CDK5RAP1: variants seen among roughly 807,000 people sequenced by gnomAD.
CDK5RAP1 encodes mitochondrial tRNA methylthiotransferase CDK5RAP1.
CDK5RAP1 carries 62 observed loss-of-function variants against 64.5 expected under a neutral mutation model. That is an observed-to-expected ratio of 0.96 (90% CI 0.78 to 1.19). The LOEUF (loss-of-function observed/expected upper bound fraction) is 1.19. CDK5RAP1 is among the 50% of genes most tolerant of loss of function. The pLI is 0.00. For missense variants in CDK5RAP1, 657 were observed against 735.0 expected (o/e 0.89, Z 1.23); for synonymous variants, 250 against 261.9 (o/e 0.95, Z 0.44).
chr20:33,373,084 G>C (rs1347539469), intron 9 of CDK5RAP1: 1 of 196,670 alleles, frequency 5.1e-6, no homozygotes, highest in Non-Finnish European at 1.0e-5. Flanking sequence ...GCTAGTGTGT[G>C]TGTGTGTCTG....
upstream of CDK5RAP1, chr20:33,401,548 G>A (rs1252943411): frequency 4.1e-6 from 4 of 985,338 alleles, no homozygotes; most frequent in Non-Finnish European, 3.6e-6. Context: ...CGCTACTTCA[G>A]GCCGGGTCAT....
intron 1 of CDK5RAP1, among the ~76,000 whole-genome samples, chr20:33,400,437 C>T (rs1989295859): frequency 6.6e-6 from 1 of 152,196 alleles, no homozygotes; most frequent in African/African-American, 2.4e-5. Context: ...TGCTGTGTGA[C>T]CTTTGGCAAG....
At chr20:33,377,255 T>C (rs1234744686) in intron 8 of CDK5RAP1, among the ~76,000 whole-genome samples, 12 of 152,356 alleles carry the variant, frequency 7.9e-5, no homozygotes, top group Admixed American at 7.2e-4. Flanking sequence ...TCTCTAGCTA[T>C]GAAAGTCCCA....
chr20:33,389,261 C>A (rs1987940304), intron 5 of CDK5RAP1, among the ~76,000 whole-genome samples: 1 of 151,706 alleles, frequency 6.6e-6, no homozygotes. Flanking sequence ...TGAGGAGCGC[C>A]TCTGCCCGGC....
intron 12 of CDK5RAP1, among the ~76,000 whole-genome samples, chr20:33,364,454 TGG>T: frequency 6.6e-6 from 1 of 152,066 alleles, no homozygotes; most frequent in East Asian, 1.9e-4. Flanking sequence ...CCCAAAGTGA[TGG>T]GATTACAGAC....
At chr20:33,388,535 C>T (rs1987769038) in intron 5 of CDK5RAP1, among the ~76,000 whole-genome samples, 1 of 92,698 alleles carries the variant, frequency 1.1e-5, no homozygotes, top group South Asian at 5.8e-4. Context: ...TCCCTCTCCC[C>T]CTCTCCCTCT....
chr20:33,367,013 T>TAAAAA lies in CDK5RAP1; in HGVS notation c.1393-10_1393-6dup. 10 of 1,459,772 alleles carry TAAAAA rather than the reference T, an allele frequency of 6.9e-6. No individual in the cohort carries two copies. The highest frequency in any genetic ancestry group is 2.1e-5 in the Admixed American group (1 of 48,606). The allele number at this position is 1,459,772 out of a possible 1,614,324, so 90.4% of individuals were successfully genotyped here. A position where few individuals can be genotyped will look rare whatever the true frequency, so the allele number is the denominator to read the frequency against. ...CCTATGATATGCCCGTGTCTTCTAT[T>TAAAAA]AAAAAAAAAAAAAAGAGAGAAGATG... On this transcript the variant is annotated splice_polypyrimidine_tract_variant and splice_region_variant and intron_variant, in intron 11 of 13. Coordinates refer to ENST00000346416, the MANE Select transcript of CDK5RAP1 (RefSeq NM_016408.4).
chr20:33,399,319 G>C (rs1989180989), intron 1 of CDK5RAP1, among the ~76,000 whole-genome samples: 1 of 152,014 alleles, frequency 6.6e-6, no homozygotes, highest in Admixed American at 6.6e-5. Context: ...CTGTTCTCTG[G>C]CTGGTATTTA....
Position 33,396,847 on chromosome 20 carries a change from G to C in CDK5RAP1, c.218C>G (p.Ser73Ter). The C allele has an allele frequency of 6.2e-7, 1 of 1,614,178 alleles. No homozygotes were observed. The highest frequency in any genetic ancestry group is 8.5e-7 in the Non-Finnish European group (1 of 1,180,022). Reference sequence around the variant, plus strand: ...TGAAGACAGCTTCTCCTGAGGAGCTGAGGCACTTTTTAAAAAATGTTGAAA... The same window carrying C: ...TGAAGACAGCTTCTCCTGAGGAGCTCAGGCACTTTTTAAAAAATGTTGAAA... ...PTFQHFLKSA[S>*]APQEKLSSEV... Residue 73 changes from serine to a stop codon, truncating the protein, a stop_gained, in exon 2 of 14, where the codon TCA becomes TGA. Transcript: ENST00000346416. LOFTEE classifies it high-confidence loss of function.
At chr20:33,384,023 T>G (rs894335122) in intron 7 of CDK5RAP1, among the ~76,000 whole-genome samples, 1 of 152,210 alleles carries the variant, frequency 6.6e-6, no homozygotes, top group African/African-American at 2.4e-5. Context: ...ATTTTTCATA[T>G]AAAAAGATTA....
chr20:33,391,376 T>C (rs1462485208), intron 5 of CDK5RAP1, among the ~76,000 whole-genome samples: 1 of 151,828 alleles, frequency 6.6e-6, no homozygotes, highest in Non-Finnish European at 1.5e-5. Context: ...ATGTGGCTAA[T>C]GGAACTAAAG....
chr20:33,373,322 G>T (rs1401600491), intron 9 of CDK5RAP1: 2 of 152,602 alleles, frequency 1.3e-5, no homozygotes, highest in African/African-American at 4.8e-5. Flanking sequence ...GCCCAGGTGT[G>T]TGTGTGTGTA....
chr20:33,393,292 C>G (rs1006444724), intron 4 of CDK5RAP1, among the ~76,000 whole-genome samples: 1 of 152,150 alleles, frequency 6.6e-6, no homozygotes, highest in African/African-American at 2.4e-5. Flanking sequence ...CCTCCCACCT[C>G]GGACTCCAAG....
At chr20:33,371,672 A>T (rs1180681086) in intron 10 of CDK5RAP1, among the ~76,000 whole-genome samples, 1 of 152,080 alleles carries the variant, frequency 6.6e-6, no homozygotes, top group African/African-American at 2.4e-5. Context: ...AGTCCTGGCT[A>T]CTTGGGAGGC....
intron 11 of CDK5RAP1, among the ~76,000 whole-genome samples, chr20:33,368,991 T>C (rs1388363940): frequency 6.6e-6 from 1 of 150,412 alleles, no homozygotes; most frequent in Non-Finnish European, 1.5e-5. Flanking sequence ...AATACAAAAA[T>C]TAGCCAGGTG....
chr20:33,397,020 CCCCAGAGA>C lies in CDK5RAP1; in HGVS notation c.37_44del (p.Ser13ValfsTer23). ...AAGACACAGAGGCCAATGGTCCCCA[CCCCAGAGA>C]CCTCTGCACTTGGAGGACACACTGT... On this transcript the variant is annotated frameshift_variant, in exon 2 of 14. Coordinates refer to ENST00000346416, the MANE Select transcript of CDK5RAP1 (RefSeq NM_016408.4). LOFTEE classifies it high-confidence loss of function. The C allele has an allele frequency of 6.2e-7, 1 of 1,613,952 alleles. No individual in the cohort carries two copies.
intron 9 of CDK5RAP1, chr20:33,373,077 A>G: frequency 5.0e-6 from 1 of 198,982 alleles, no homozygotes; most frequent in Non-Finnish European, 1.0e-5. Flanking sequence ...ACACCCAGCT[A>G]GTGTGTGTGT....
At chr20:33,366,355 C>T (rs1360486314) in intron 12 of CDK5RAP1, among the ~76,000 whole-genome samples, 2 of 146,230 alleles carry the variant, frequency 1.4e-5, no homozygotes, top group African/African-American at 5.1e-5. Flanking sequence ...GGCACGGTGG[C>T]TCATGCCCGT....
intron 7 of CDK5RAP1, among the ~76,000 whole-genome samples, chr20:33,380,410 C>T (rs1171298270): frequency 1.3e-5 from 2 of 152,098 alleles, no homozygotes; most frequent in Non-Finnish European, 2.9e-5. Context: ...CCATGTTGCA[C>T]AGACTGGTTT....
Sources: allele counts gnomAD v4.1 joint callset (sites outside exome capture counted in the v4.1 genomes callset), GRCh38; gene constraint gnomAD v4.1.1; transcripts MANE v1.5; gene names NCBI Gene and HGNC (gene_info 2026-07-23, HGNC 2026-07-21).